SBF2: variants seen among roughly 807,000 people sequenced by gnomAD.
The protein encoded by SBF2 is myotubularin-related protein 13.
In SBF2, 112 loss-of-function variants were observed where a neutral mutation model predicts 225.2. The ratio of observed to expected loss-of-function variants is 0.50; its 90% CI spans 0.43 to 0.58. SBF2 has a LOEUF of 0.58. SBF2 is among the 20% of genes least tolerant of loss of function. The probability of loss-of-function intolerance (pLI) is 0.00; values close to 1 mark genes in which losing one functional copy is unlikely to be tolerated. For missense variants in SBF2, 1,996 were observed against 2,206.2 expected (o/e 0.90, Z 1.91); for synonymous variants, 763 against 773.3 (o/e 0.99, Z 0.22).
chr11:10,170,280 T>C (rs1400934296), intron 2 of SBF2, among the ~76,000 whole-genome samples: 1 of 152,194 alleles, frequency 6.6e-6, no homozygotes, highest in African/African-American at 2.4e-5. Flanking sequence ...TTTAAGTCTT[T>C]AATCAATTTT....
chr11:10,249,421 T>A (rs958825850), intron 1 of SBF2, among the ~76,000 whole-genome samples: 1 of 151,870 alleles, frequency 6.6e-6, no homozygotes, highest in African/African-American at 2.4e-5. Flanking sequence ...TAAAAGATAA[T>A]GAAAAATGTA....
intron 17 of SBF2, among the ~76,000 whole-genome samples, chr11:9,869,729 A>T (rs924721725): frequency 2.1e-4 from 32 of 152,284 alleles, no homozygotes; most frequent in African/African-American, 7.7e-4. Flanking sequence ...TATATAACAA[A>T]CCCACAGCCA....
chr11:9,936,521 C>G (rs1312587862), intron 16 of SBF2, among the ~76,000 whole-genome samples: 1 of 152,144 alleles, frequency 6.6e-6, no homozygotes, highest in Non-Finnish European at 1.5e-5. Flanking sequence ...TATTGCAGCA[C>G]TATTCACAAT....
chr11:10,303,837 TAAGA>T lies in SBF2; in HGVS notation n.386+651_386+654del, dbSNP rs1964622282. The T allele has an allele frequency of 6.6e-6, 1 of 152,164 alleles. No individual in the cohort carries two copies. The highest frequency in any genetic ancestry group is 6.5e-5 in the Admixed American group (1 of 15,276). The allele number at this position is 152,164 out of a possible 1,614,324, so 9.4% of individuals were successfully genotyped here. On this transcript the variant is annotated intron_variant and non_coding_transcript_variant, in intron 1 of 5. Coordinates refer to the SBF2 transcript ENST00000685217. The surrounding 1 kb of genome is among the most constrained non-coding windows in gnomAD (Gnocchi z 5.2). ...CCCAGTTTGGCCCCCAGGAGAGAAGTAAGAAAGAGAAGAAGCTGTGATGAAAGAG... is the reference window on the plus strand; with the variant it reads ...CCCAGTTTGGCCCCCAGGAGAGAAGTAAGAGAAGAAGCTGTGATGAAAGAG...
At chr11:10,276,580 T>C (rs1962975840) in intron 1 of SBF2, among the ~76,000 whole-genome samples, 2 of 152,246 alleles carry the variant, frequency 1.3e-5, no homozygotes, top group African/African-American at 4.8e-5. Flanking sequence ...GACAAAAGTT[T>C]TGATTTAAAG....
At chr11:10,185,730 G>C (rs533121152) in intron 2 of SBF2, among the ~76,000 whole-genome samples, 1 of 150,650 alleles carries the variant, frequency 6.6e-6, no homozygotes, top group Non-Finnish European at 1.5e-5. Flanking sequence ...TCGTGTGCTT[G>C]TAGATCTCCT....
At chr11:9,871,538 C>A (rs940890369) in intron 17 of SBF2, among the ~76,000 whole-genome samples, 9 of 150,296 alleles carry the variant, frequency 6.0e-5, no homozygotes, top group African/African-American at 2.2e-4. Flanking sequence ...GTTGCCCAGG[C>A]TGGAGTGCAG....
At chr11:9,912,745 C>A (rs1435685173) in intron 16 of SBF2, among the ~76,000 whole-genome samples, 1 of 152,088 alleles carries the variant, frequency 6.6e-6, no homozygotes, top group Non-Finnish European at 1.5e-5. Context: ...AATTAGTTTG[C>A]CTAAGTAGAC....
At chr11:9,997,748 A>C (rs1947769485) in intron 9 of SBF2, among the ~76,000 whole-genome samples, 1 of 152,254 alleles carries the variant, frequency 6.6e-6, no homozygotes. Context: ...ACTGCACTCC[A>C]GCCTGGGCGA....
chr11:10,056,577 T>C (rs1950263370), intron 2 of SBF2, among the ~76,000 whole-genome samples: 1 of 152,354 alleles, frequency 6.6e-6, no homozygotes, highest in South Asian at 2.1e-4. Context: ...CTAGTGATTT[T>C]CGTATATTGA....
At chr11:9,886,796 G>A (rs1393132909) in intron 17 of SBF2, among the ~76,000 whole-genome samples, 1 of 143,466 alleles carries the variant, frequency 7.0e-6, no homozygotes, top group African/African-American at 2.5e-5. Flanking sequence ...TCATTCATGG[G>A]CACACATGTC....
At chr11:9,820,383 G>C (rs996530204) in intron 28 of SBF2, among the ~76,000 whole-genome samples, 1 of 152,222 alleles carries the variant, frequency 6.6e-6, no homozygotes, top group Non-Finnish European at 1.5e-5. Context: ...GACAGAGAAT[G>C]TGACTGCAAG....
intron 1 of SBF2, among the ~76,000 whole-genome samples, chr11:10,269,036 G>A (rs144249965): frequency 3.3e-5 from 5 of 152,180 alleles, no homozygotes; most frequent in African/African-American, 1.2e-4. Context: ...CTCCCTGAAG[G>A]AAGTAGGTAT....
At chr11:9,994,063 T>A (rs916947657) in intron 9 of SBF2, 65 bp from the exon 10 acceptor site, 32 of 1,060,716 alleles carry the variant, frequency 3.0e-5, no homozygotes, top group Non-Finnish European at 4.5e-5. Flanking sequence ...ATTGAGACAT[T>A]AAGATGAAAA....
At chr11:10,232,749 T>C (rs754698943) in intron 1 of SBF2, among the ~76,000 whole-genome samples, 36 of 152,202 alleles carry the variant, frequency 2.4e-4, no homozygotes, top group Middle Eastern at 3.4e-3. Context: ...AAAATGAGTA[T>C]CTTCTACTTC....
chr11:10,121,070 TTTTG>T (rs960501838), intron 2 of SBF2, among the ~76,000 whole-genome samples: 9 of 152,178 alleles, frequency 5.9e-5, no homozygotes, highest in Non-Finnish European at 8.8e-5. Flanking sequence ...CCCGCCTGTT[TTTTG>T]TTTGTTTGTT....
chr11:10,252,519 G>A (rs773322008), intron 1 of SBF2, among the ~76,000 whole-genome samples: 5 of 152,136 alleles, frequency 3.3e-5, no homozygotes, highest in African/African-American at 7.2e-5. Flanking sequence ...TAAGGCAAAC[G>A]CTGGCCGGGC....
intron 2 of SBF2, among the ~76,000 whole-genome samples, chr11:10,127,691 T>C (rs1953823774): frequency 6.6e-6 from 1 of 152,192 alleles, no homozygotes; most frequent in Non-Finnish European, 1.5e-5. Context: ...ATTGTCTTTA[T>C]CTACTGGAAT....
intron 16 of SBF2, among the ~76,000 whole-genome samples, chr11:9,940,914 A>T (rs1865214960): frequency 6.6e-6 from 1 of 152,204 alleles, no homozygotes. Flanking sequence ...AACTAATTTT[A>T]AAAAAGAAAA....
Sources: allele counts gnomAD v4.1 joint callset (sites outside exome capture counted in the v4.1 genomes callset), GRCh38; gene constraint gnomAD v4.1.1; non-coding constraint Gnocchi (gnomAD v3.1); transcripts MANE v1.5; gene names NCBI Gene and HGNC (gene_info 2026-07-23, HGNC 2026-07-21).